ALK: variants seen among roughly 807,000 people sequenced by gnomAD.
The protein encoded by ALK is ALK tyrosine kinase receptor.
In ALK, 74 loss-of-function variants were observed where a neutral mutation model predicts 163.1. The ratio of observed to expected loss-of-function variants is 0.45; its 90% CI spans 0.38 to 0.55. ALK has a LOEUF of 0.55. Among genes scored for constraint, ALK ranks in the 20% least tolerant of loss-of-function variants. The pLI, the probability that ALK is intolerant of heterozygous loss-of-function variation, is 0.00. For synonymous variants in ALK, 960 were observed against 843.2 expected, an observed-to-expected ratio of 1.14 and a Z score of -2.40; for missense variants, 2,063 against 2,105.3, an observed-to-expected ratio of 0.98 and a Z score of 0.39.
chr2:29,510,087 T>C lies in ALK; in HGVS notation c.1154+21828A>G, dbSNP rs76426980. 1.9e-3 allele frequency among the ~76,000 whole-genome samples: 289 copies of C among 152,294 alleles called. 1 individual carries two copies. The highest frequency in any genetic ancestry group is 7.5e-3 in the East Asian group (39 of 5,176). On this transcript the variant is annotated intron_variant, in intron 4 of 28. Coordinates refer to ENST00000389048, the MANE Select transcript of ALK (RefSeq NM_004304.5). ...GAGGTGGCCACAGTCCCTGACATTC[T>C]TGTGGCTTCTCTCACAGGGAAGGAG...
At chr2:29,900,396 TATACC>T (rs1667381469) in intron 1 of ALK, among the ~76,000 whole-genome samples, 1 of 152,252 alleles carries the variant, frequency 6.6e-6, no homozygotes, top group Non-Finnish European at 1.5e-5. Flanking sequence ...TGTCACTTTG[TATACC>T]AGGGAACTCC....
At chr2:29,506,095 G>A (rs561415559) in intron 4 of ALK, among the ~76,000 whole-genome samples, 9 of 152,278 alleles carry the variant, frequency 5.9e-5, no homozygotes, top group Admixed American at 4.6e-4. Context: ...AGGAAGGAAC[G>A]GCTGACTAGG....
chr2:29,912,774 T>C (rs75424263), intron 1 of ALK, among the ~76,000 whole-genome samples: 1,540 of 152,238 alleles, frequency 0.01, 27 homozygotes, highest in African/African-American at 0.03. Context: ...TAACAAAAGA[T>C]AAAGAACATC....
intron 4 of ALK, among the ~76,000 whole-genome samples, chr2:29,486,882 G>A (rs1194920527): frequency 2.0e-5 from 3 of 152,110 alleles, no homozygotes; most frequent in Admixed American, 6.6e-5. Flanking sequence ...ACAATAATGA[G>A]CTTAATTTAA....
At chr2:29,335,370 C>A (rs1212981318) in intron 5 of ALK, among the ~76,000 whole-genome samples, 7 of 152,158 alleles carry the variant, frequency 4.6e-5, no homozygotes, top group African/African-American at 1.7e-4. Context: ...AATGTGTTTT[C>A]TTTACCCTTC....
intron 1 of ALK, among the ~76,000 whole-genome samples, chr2:29,859,104 C>T (rs7568708): frequency 0.78 from 118,003 of 152,120 alleles, 46,040 homozygotes; most frequent in Non-Finnish European, 0.82. Flanking sequence ...TCTCAGGAAA[C>T]GGCCACTTTG....
chr2:29,220,048 G>T (rs750024254), intron 23 of ALK, among the ~76,000 whole-genome samples: 7 of 152,292 alleles, frequency 4.6e-5, no homozygotes, highest in Admixed American at 2.0e-4. Flanking sequence ...TTTGTCTCTA[G>T]TTTGGTTTTC....
intron 4 of ALK, among the ~76,000 whole-genome samples, chr2:29,485,896 T>G (rs1222610935): frequency 1.3e-5 from 2 of 152,184 alleles, no homozygotes; most frequent in African/African-American, 4.8e-5. Flanking sequence ...TTGTGGGAGC[T>G]GATCTCATGT....
chr2:29,746,907 T>C (rs1680219356), intron 1 of ALK, among the ~76,000 whole-genome samples: 1 of 152,192 alleles, frequency 6.6e-6, no homozygotes, highest in East Asian at 1.9e-4. Flanking sequence ...AAATAAGCCA[T>C]GAGGATGTTA....
At chr2:29,629,950 T>C (rs1409578191) in intron 3 of ALK, among the ~76,000 whole-genome samples, 1 of 152,182 alleles carries the variant, frequency 6.6e-6, no homozygotes, top group Non-Finnish European at 1.5e-5. Context: ...CTTGAGGCAG[T>C]AGTCTACCCG....
chr2:29,216,467 T>C (rs996887905), intron 23 of ALK, among the ~76,000 whole-genome samples: 3 of 152,126 alleles, frequency 2.0e-5, no homozygotes, highest in African/African-American at 7.2e-5. Flanking sequence ...CTGTGGGGAC[T>C]AAATCTCTCT....
intron 1 of ALK, among the ~76,000 whole-genome samples, chr2:29,764,778 C>T (rs1005908292): frequency 6.6e-6 from 1 of 152,026 alleles, no homozygotes; most frequent in Non-Finnish European, 1.5e-5. Flanking sequence ...CCTTGGATGC[C>T]CCATTTTCAT....
chr2:29,684,810 C>T (rs778057166), intron 3 of ALK, among the ~76,000 whole-genome samples: 18 of 152,160 alleles, frequency 1.2e-4, no homozygotes, highest in South Asian at 2.1e-4. Flanking sequence ...ATGGTAAGAA[C>T]ATAAGACTGG....
chr2:29,785,487 A>T (rs1663984075), intron 1 of ALK, among the ~76,000 whole-genome samples: 1 of 152,244 alleles, frequency 6.6e-6, no homozygotes, highest in African/African-American at 2.4e-5. Flanking sequence ...TCTGTTAAAT[A>T]GAAAGCTCCC....
At chr2:29,205,033 G>A (rs1669277420) in intron 26 of ALK, among the ~76,000 whole-genome samples, 2 of 152,162 alleles carry the variant, frequency 1.3e-5, no homozygotes, top group African/African-American at 4.8e-5. Flanking sequence ...AGCCCACACA[G>A]GCTTCAGGGT....
intron 1 of ALK, among the ~76,000 whole-genome samples, chr2:29,772,935 C>T (rs2339478): frequency 0.31 from 46,759 of 151,950 alleles, 8,603 homozygotes; most frequent in African/African-American, 0.5. Context: ...ATGACTTCTT[C>T]CTCCTCAGAA....
chr2:29,881,279 G>A (rs981683894), intron 1 of ALK, among the ~76,000 whole-genome samples: 2 of 152,172 alleles, frequency 1.3e-5, no homozygotes, highest in Non-Finnish European at 2.9e-5. Flanking sequence ...GGCTGCTCCC[G>A]ACCCACTCAG....
intron 20 of ALK, among the ~76,000 whole-genome samples, 174 bp downstream of exon 20, chr2:29,223,168 G>T (rs75738711): frequency 6.6e-6 from 1 of 152,276 alleles, no homozygotes; most frequent in East Asian, 1.9e-4. Context: ...GGGAGTTAAT[G>T]TAAGCCAACA....
At chr2:29,862,335 C>A (rs1666317008) in intron 1 of ALK, among the ~76,000 whole-genome samples, 2 of 151,952 alleles carry the variant, frequency 1.3e-5, no homozygotes, top group Admixed American at 1.3e-4. Flanking sequence ...AGGGTCTGAA[C>A]AGGAAAAAAA....
Sources: gnomAD v4.1 joint callset for allele counts (sites outside exome capture counted in the v4.1 genomes callset) on GRCh38, gnomAD v4.1.1 for gene constraint, MANE v1.5 for transcripts, NCBI Gene and HGNC (gene_info 2026-07-23, HGNC 2026-07-21) for gene names.